BIRC2: variants seen among roughly 807,000 people sequenced by gnomAD.
BIRC2 encodes the protein baculoviral IAP repeat-containing protein 2.
In BIRC2, 18 loss-of-function variants were observed where a neutral mutation model predicts 60.9. That is an observed-to-expected ratio of 0.30 (90% CI 0.20 to 0.44). The LOEUF (loss-of-function observed/expected upper bound fraction) is 0.44. Among genes scored for constraint, BIRC2 ranks in the 20% least tolerant of loss-of-function variants. The pLI is 1.00. For synonymous variants in BIRC2, 282 were observed against 247.7 expected, an observed-to-expected ratio of 1.14 and a Z score of -1.30; for missense variants, 701 against 728.5, an observed-to-expected ratio of 0.96 and a Z score of 0.43.
At chr11:102,377,022 G>T (rs1400321393) in intron 6 of BIRC2, among the ~76,000 whole-genome samples, 4 of 152,044 alleles carry the variant, frequency 2.6e-5, no homozygotes, top group Admixed American at 6.6e-5. Context: ...GCCTGGTTCT[G>T]CAGCTTATTC....
chr11:102,355,854 T>C (rs1043855822), intron 3 of BIRC2, among the ~76,000 whole-genome samples: 2 of 152,208 alleles, frequency 1.3e-5, no homozygotes, highest in African/African-American at 4.8e-5. Flanking sequence ...TATTCCTAAG[T>C]ATTTTATTGT....
At chr11:102,364,001 GATTA>G (rs1482736857) in intron 5 of BIRC2, among the ~76,000 whole-genome samples, 34 of 151,286 alleles carry the variant, frequency 2.2e-4, no homozygotes, top group Non-Finnish European at 3.1e-4. Context: ...AGTGAACTGA[GATTA>G]TGCCATTGCA....
In BIRC2 at chr11:102,350,954, T is replaced by C. The variant is rs1362781690; in HGVS notation, c.995+11T>C. On this transcript the variant is annotated intron_variant, in intron 3 of 8. Transcript: ENST00000227758. ...CAAGTGGTTTCCAAGGTAATTGTTT[T>C]GAAAAAGGTATTTGTACAAAAAACT... 3.7e-6 allele frequency: 6 copies of C among 1,609,874 alleles called. No individual in the cohort carries two copies. The highest frequency in any genetic ancestry group is 5.1e-6 in the Non-Finnish European group (6 of 1,178,070).
intron 6 of BIRC2, among the ~76,000 whole-genome samples, chr11:102,373,113 C>G (rs1240387703): frequency 6.7e-6 from 1 of 150,254 alleles, no homozygotes; most frequent in Non-Finnish European, 1.5e-5. Flanking sequence ...GGTCTTGACT[C>G]TTTATCCAAT....
intron 5 of BIRC2, among the ~76,000 whole-genome samples, chr11:102,364,174 T>TACACACAC (rs376590420): frequency 1.3e-5 from 1 of 78,116 alleles, no homozygotes; most frequent in African/African-American, 6.7e-5. Flanking sequence ...TATATATATA[T>TACACACAC]ACACACACAC....
rs1483335993 is a variant in BIRC2 at position 102,363,732 on chromosome 11, T to A, written c.1123+16T>A. 6.3e-7 allele frequency: 1 copy of A among 1,599,610 alleles called. No individual in the cohort carries two copies. The highest frequency in any genetic ancestry group is 8.6e-7 in the Non-Finnish European group (1 of 1,168,132). The stretch of plus-strand genomic sequence containing the variant: ...GACCCACCAAGTATGTATGAGATAA[T>A]TTTAAGTATAGAGTGTAAATTTTTA... On this transcript the variant is annotated intron_variant, in intron 5 of 8. Transcript: ENST00000227758.
chr11:102,347,994 C>A (rs1951311493), intron 1 of BIRC2: 1 of 152,182 alleles, frequency 6.6e-6, no homozygotes, highest in Non-Finnish European at 1.5e-5. Context: ...TTAAAGCAAT[C>A]ATGCCAGTGG....
chr11:102,351,475 C>T (rs1192872101), intron 3 of BIRC2, among the ~76,000 whole-genome samples: 3 of 151,960 alleles, frequency 2.0e-5, no homozygotes, highest in African/African-American at 2.4e-5. Flanking sequence ...ACTAGCTGGG[C>T]GTGGTGGCGC....
chr11:102,352,015 C>G (rs1189065407), intron 3 of BIRC2, among the ~76,000 whole-genome samples: 3 of 152,168 alleles, frequency 2.0e-5, no homozygotes, highest in Admixed American at 1.3e-4. Context: ...ACCTTTGCAT[C>G]TTCCCAAACT....
chr11:102,368,323 G>A lies in BIRC2; in HGVS notation c.1141G>A (p.Gly381Arg). ...ADPPIIHFGP[G>R]ESSSEDAVMM... The stretch of plus-strand genomic sequence containing the variant: ...TCAAATAGTTATTCATTTTGGACCT[G>A]GAGAAAGTTCTTCAGAAGATGCTGT... Residue 381 changes from glycine to arginine, a missense_variant, in exon 6 of 9, where the codon GGA becomes AGA. Around this residue, in one of 4 missense-constraint regions of BIRC2, gnomAD observed 235 missense variants for 208.9 expected, o/e 1.12. Coordinates refer to ENST00000227758, the MANE Select transcript of BIRC2 (RefSeq NM_001166.5). 1.9e-6 allele frequency: 3 copies of A among 1,612,730 alleles called. No individual in the cohort carries two copies. The highest frequency in any genetic ancestry group is 2.5e-6 in the Non-Finnish European group (3 of 1,179,340).
rs775343215 is a variant in BIRC2 at position 102,349,992 on chromosome 11, A to C, written c.138A>C (p.Glu46Asp). 1.2e-6 allele frequency: 2 copies of C among 1,614,080 alleles called. No individual in the cohort carries two copies. Residue 46 changes from glutamate (E) to aspartate (D), a missense_variant, in exon 2 of 9, where the codon GAA (glutamate) becomes GAC (aspartate). Glu to Asp is a conservative substitution (Grantham distance 45). Transcript: ENST00000227758. Reference sequence around the variant, plus strand: ...AAATGAAGTATGACTTTTCCTGTGAACTCTACAGAATGTCTACATATTCAA... The same window carrying C: ...AAATGAAGTATGACTTTTCCTGTGACCTCTACAGAATGTCTACATATTCAA... ...KQKMKYDFSCELYRMSTYSTF... is the reference protein window; with the variant it reads ...KQKMKYDFSCDLYRMSTYSTF...
intron 3 of BIRC2, 77 bp downstream of exon 3, chr11:102,351,020 T>G (rs921462980): frequency 9.0e-6 from 12 of 1,331,330 alleles, no homozygotes; most frequent in Middle Eastern, 1.9e-4. Flanking sequence ...TGATTTTGTT[T>G]ACCTTTAAAT....
At chr11:102,371,734 A>G (rs1457902909) in intron 6 of BIRC2, among the ~76,000 whole-genome samples, 1 of 148,774 alleles carries the variant, frequency 6.7e-6, no homozygotes, top group Non-Finnish European at 1.5e-5. Context: ...ATAGTTTCAG[A>G]AGGAATGGTA....
intron 3 of BIRC2, among the ~76,000 whole-genome samples, chr11:102,351,614 C>CAAAAAAA (rs768269523): frequency 9.4e-4 from 64 of 68,418 alleles, no homozygotes; most frequent in African/African-American, 1.3e-3. Context: ...GACTCTGTCT[C>CAAAAAAA]AAAAAAAAAA....
chr11:102,351,380 C>T (rs1240680367), intron 3 of BIRC2, among the ~76,000 whole-genome samples: 1 of 151,526 alleles, frequency 6.6e-6, no homozygotes, highest in Non-Finnish European at 1.5e-5. Context: ...TTTGGGAGGC[C>T]GAGATAGGTG....
At chr11:102,375,846 C>A (rs1307309112) in intron 6 of BIRC2, among the ~76,000 whole-genome samples, 4 of 151,686 alleles carry the variant, frequency 2.6e-5, no homozygotes, top group Non-Finnish European at 4.4e-5. Flanking sequence ...AACCAGACAT[C>A]GGCTTTCTCA....
intron 6 of BIRC2, among the ~76,000 whole-genome samples, chr11:102,374,872 C>T (rs1001393206): frequency 2.6e-5 from 4 of 152,168 alleles, no homozygotes; most frequent in African/African-American, 7.2e-5. Flanking sequence ...TCTCTTGGTT[C>T]GCCGTTTTTT....
At chr11:102,355,230 T>C (rs1382961321) in intron 3 of BIRC2, among the ~76,000 whole-genome samples, 2 of 152,184 alleles carry the variant, frequency 1.3e-5, no homozygotes, top group Non-Finnish European at 2.9e-5. Context: ...AGGAATTTTA[T>C]GGTTTCTGGA....
intron 6 of BIRC2, among the ~76,000 whole-genome samples, 199 bp downstream of exon 6, chr11:102,368,747 C>T (rs899654111): frequency 1.3e-5 from 2 of 152,016 alleles, no homozygotes; most frequent in Non-Finnish European, 2.9e-5. Context: ...TTTTTCTATA[C>T]ATTTATTTTC....
Sources: allele counts gnomAD v4.1 joint callset (sites outside exome capture counted in the v4.1 genomes callset), GRCh38; gene constraint gnomAD v4.1.1; regional missense constraint gnomAD v4.1.1; transcripts MANE v1.5; gene names NCBI Gene and HGNC (gene_info 2026-07-23, HGNC 2026-07-21).